TP53I13: variants seen among roughly 807,000 people sequenced by gnomAD.
TP53I13 encodes the protein tumor protein p53 inducible protein 13, also known as tumor protein p53-inducible protein 13.
A neutral mutation model predicts 39.1 loss-of-function variants in TP53I13; 27 were observed. The ratio of observed to expected loss-of-function variants is 0.69; its 90% CI spans 0.51 to 0.95. The LOEUF (loss-of-function observed/expected upper bound fraction) is 0.95, where lower values mean the gene tolerates loss of function less well. Ranked by LOEUF, TP53I13 falls within the 40% of genes least tolerant of loss-of-function variation. The pLI is 0.00. For missense variants in TP53I13, 544 were observed against 520.4 expected (o/e 1.05, Z -0.44); for synonymous variants, 230 against 224.6 (o/e 1.02, Z -0.22).
chr17:29,574,944 T>TGGACTTTAAG (rs1183718662), downstream of TP53I13: 1 of 1,532,212 alleles, frequency 6.5e-7, no homozygotes, highest in Non-Finnish European at 8.8e-7. Flanking sequence ...GGCTGGACCT[T>TGGACTTTAAG]GGACTTTAAG....
chr17:29,566,454 G>A, upstream of TP53I13: 2 of 1,612,358 alleles, frequency 1.2e-6, no homozygotes, highest in Non-Finnish European at 1.7e-6. Flanking sequence ...GCACGTTGCG[G>A]GTGAGGCGAC....
chr17:29,566,329 G>T (rs974256801), upstream of TP53I13: 9 of 1,611,282 alleles, frequency 5.6e-6, no homozygotes, highest in Admixed American at 1.2e-4. Flanking sequence ...CTTGAGGTCG[G>T]ACGGGTCCCC....
At chr17:29,578,955 C>T in the TP53I13 span, 1 of 1,613,610 alleles carries the variant, frequency 6.2e-7, no homozygotes, top group South Asian at 1.1e-5. Flanking sequence ...CGGCAGGCAC[C>T]ATATACCTCT....
upstream of TP53I13, chr17:29,567,069 G>A: frequency 9.6e-7 from 1 of 1,039,076 alleles, no homozygotes; most frequent in Non-Finnish European, 1.2e-6. The surrounding 1 kb of genome is among the most constrained non-coding windows in gnomAD (Gnocchi z 6.6). Context: ...GGCTGCCCAG[G>A]GCCCTCCCGC....
rs2150807323 is a variant in TP53I13, at chr17:29,572,018, TC to T, written c.477del (p.Gly160ValfsTer30). 1 of 1,613,134 alleles carries T rather than the reference TC, an allele frequency of 6.2e-7. No individual in the cohort carries two copies. Among genetic ancestry groups the T allele is most frequent in the Admixed American group, 1.7e-5 (1 of 60,014 alleles). On this transcript the variant is annotated frameshift_variant, in exon 5 of 7. Transcript: ENST00000301057. LOFTEE classifies it high-confidence loss of function. Reference protein sequence around the residue: ...LSGPAPSEPTPGRGRLCRRGC... With the variant: ...LSGPAPSEPTXGRGRLCRRGC... ...CAGGGCCTGCTCCCTCCGAGCCAAC[TC>T]CCGGTAGAGGGAGGCTGTGCCGAAG...
chr17:29,569,399 C>A, intron 3 of TP53I13, 40 bp downstream of exon 3: 2 of 1,605,776 alleles, frequency 1.2e-6, no homozygotes, highest in Non-Finnish European at 8.5e-7. Flanking sequence ...GGTGTCCACG[C>A]CTGGAGACAG....
At chr17:29,566,427 G>T, upstream of TP53I13, 2 of 1,612,228 alleles carry the variant, frequency 1.2e-6, no homozygotes, top group Non-Finnish European at 1.7e-6. Context: ...GCTCCAGGGC[G>T]AGCAAGCAAA....
the TP53I13 span, among the ~76,000 whole-genome samples, chr17:29,580,867 A>G: frequency 6.8e-6 from 1 of 147,652 alleles, no homozygotes; most frequent in Non-Finnish European, 1.5e-5. Context: ...CGCAACCTCT[A>G]CCTCCTGTGT....
At chr17:29,576,243 G>C (rs780961355), downstream of TP53I13, 1 of 1,608,648 alleles carries the variant, frequency 6.2e-7, no homozygotes, top group South Asian at 1.1e-5. Context: ...GGCTGCAGCC[G>C]CGTAGTGAGC....
the TP53I13 span, among the ~76,000 whole-genome samples, chr17:29,580,591 C>T: frequency 1.3e-5 from 2 of 152,172 alleles, no homozygotes; most frequent in African/African-American, 2.4e-5. Flanking sequence ...CCAGCCTCAG[C>T]GCACGTGCCT....
At chr17:29,568,670 C>A, upstream of TP53I13, 1 of 905,282 alleles carries the variant, frequency 1.1e-6, no homozygotes, top group Non-Finnish European at 1.3e-6. The surrounding 1 kb of genome is among the most constrained non-coding windows in gnomAD (Gnocchi z 4.5). Flanking sequence ...GCGGGCGGCG[C>A]GGGGGCGCTG....
In TP53I13 at chr17:29,572,941, A is replaced by G. The variant is rs778159352; in HGVS notation, c.*17A>G. Reference sequence around the variant, plus strand: ...TCGGAGTGACGGCCTGGGACCTGCCACTGTGGCGTGCGGCTCCTCCCCGCG... The same window carrying G: ...TCGGAGTGACGGCCTGGGACCTGCCGCTGTGGCGTGCGGCTCCTCCCCGCG... On this transcript the variant is annotated 3_prime_UTR_variant, in exon 7 of 7. Coordinates refer to ENST00000301057, the MANE Select transcript of TP53I13 (RefSeq NM_138349.4). The G allele has an allele frequency of 7.0e-7, 1 of 1,429,730 alleles. No individual in the cohort carries two copies. 88.6% of individuals were successfully genotyped at this position (1,429,730 alleles called of 1,614,324 possible).
At chr17:29,573,736 C>T (rs1316997538), downstream of TP53I13, 7 of 152,706 alleles carry the variant, frequency 4.6e-5, no homozygotes, top group Non-Finnish European at 7.3e-5. Context: ...GCTCCACAGC[C>T]ACCAGCTGAG....
At chr17:29,576,136 G>A, downstream of TP53I13, 1 of 1,613,702 alleles carries the variant, frequency 6.2e-7, no homozygotes, top group Non-Finnish European at 8.5e-7. Flanking sequence ...TAGCTCCTGG[G>A]GATGTTAGCA....
chr17:29,572,936 C>G lies in TP53I13; in HGVS notation c.*12C>G. 1 of 1,457,188 alleles carries G rather than the reference C, an allele frequency of 6.9e-7. No homozygotes were observed. The highest frequency in any genetic ancestry group is 9.0e-7 in the Non-Finnish European group (1 of 1,109,952). The allele number at this position is 1,457,188 out of a possible 1,614,324, so 90.3% of individuals were successfully genotyped here. On this transcript the variant is annotated 3_prime_UTR_variant, in exon 7 of 7. Coordinates refer to ENST00000301057, the MANE Select transcript of TP53I13 (RefSeq NM_138349.4). ...AGAGCTCGGAGTGACGGCCTGGGAC[C>G]TGCCACTGTGGCGTGCGGCTCCTCC...
chr17:29,574,990 C>T, downstream of TP53I13: 7 of 1,485,582 alleles, frequency 4.7e-6, 1 homozygote, highest in African/African-American at 1.4e-5. Flanking sequence ...TTGTCTGTGT[C>T]TCCACCCAGG....
downstream of TP53I13, chr17:29,574,647 C>T (rs1820470027): frequency 1.4e-6 from 2 of 1,379,738 alleles, no homozygotes; most frequent in Admixed American, 1.7e-5. Context: ...TGGAGTGGCC[C>T]AGCTCCTATG....
In TP53I13 at chr17:29,568,966, G is replaced by A; in HGVS notation, c.73-52G>A. Reference sequence around the variant, plus strand: ...GGCGGGCTGGGCCTGGGGAGAGAGAGGGCAGGGCCTCGCCGCGTCCAGCGC... The same window carrying A: ...GGCGGGCTGGGCCTGGGGAGAGAGAAGGCAGGGCCTCGCCGCGTCCAGCGC... On this transcript the variant is annotated intron_variant, in intron 1 of 6. Transcript: ENST00000301057. The surrounding 1 kb of genome is among the most constrained non-coding windows in gnomAD (Gnocchi z 4.5). 1 of 1,591,446 alleles carries A rather than the reference G, an allele frequency of 6.3e-7. No homozygotes were observed. The highest frequency in any genetic ancestry group is 8.5e-7 in the Non-Finnish European group (1 of 1,170,550).
At chr17:29,576,821 G>C, downstream of TP53I13, 1 of 1,577,294 alleles carries the variant, frequency 6.3e-7, no homozygotes, top group Non-Finnish European at 8.6e-7. Context: ...CGAAGGCCTG[G>C]GTCAGGGCAC....
Sources: allele counts gnomAD v4.1 joint callset (sites outside exome capture counted in the v4.1 genomes callset), GRCh38; gene constraint gnomAD v4.1.1; non-coding constraint Gnocchi (gnomAD v3.1); transcripts MANE v1.5; gene names NCBI Gene and HGNC (gene_info 2026-07-23, HGNC 2026-07-21).